ZFAND4: variants seen among roughly 807,000 people sequenced by gnomAD.
ZFAND4 encodes the protein AN1-type zinc finger protein 4.
In ZFAND4, 43 loss-of-function variants were observed where a neutral mutation model predicts 64.4. The observed-to-expected ratio is 0.67, with a 90% confidence interval of 0.52 to 0.86. The LOEUF is 0.86. Among genes scored for constraint, ZFAND4 ranks in the 40% least tolerant of loss-of-function variants. The pLI is 0.00. For synonymous variants in ZFAND4, 296 were observed against 305.7 expected, an observed-to-expected ratio of 0.97 and a Z score of 0.33; for missense variants, 929 against 859.8, an observed-to-expected ratio of 1.08 and a Z score of -1.01.
intron 1 of ZFAND4, among the ~76,000 whole-genome samples, chr10:45,671,809 T>C (rs921855012): frequency 6.7e-6 from 1 of 149,852 alleles, no homozygotes; most frequent in East Asian, 1.9e-4. Context: ...TGTGCACATG[T>C]ACCCTAGAAC....
chr10:45,663,875 T>A, intron 1 of ZFAND4, 33 bp from the exon 2 acceptor site: 1 of 587,340 alleles, frequency 1.7e-6, no homozygotes, highest in Non-Finnish European at 2.7e-6. Context: ...AACAAGCCTA[T>A]CTGAAAGTTG....
rs368505900 is a variant in ZFAND4 at position 45,627,023 on chromosome 10, C to T, written c.800G>A (p.Arg267Gln). ...AATGTTGGGGAGGACCCTTAACAATCGGTGGCGAGATGGTGCAGTGGAACC... is the reference window on the plus strand; with the variant it reads ...AATGTTGGGGAGGACCCTTAACAATTGGTGGCGAGATGGTGCAGTGGAACC... ...SSGSTAPSRH[R>Q]LLRVLPNIGQ... Residue 267 changes from arginine to glutamine, a missense_variant, in exon 7 of 10, where the codon CGA becomes CAA. By Grantham distance (43) the Arg-to-Gln change is conservative (BLOSUM62 1). Transcript: ENST00000344646. The T allele has an allele frequency of 1.1e-5, 18 of 1,607,124 alleles. No homozygotes were observed. Among genetic ancestry groups the T allele is most frequent in the African/African-American group, 4.0e-5 (3 of 74,842 alleles).
At chr10:45,669,598 T>C (rs1022950786) in intron 1 of ZFAND4, among the ~76,000 whole-genome samples, 14 of 152,192 alleles carry the variant, frequency 9.2e-5, no homozygotes, top group African/African-American at 3.4e-4. Context: ...TTTAGACCAG[T>C]ATCCCTGATG....
chr10:45,657,860 T>C (rs945659730), intron 2 of ZFAND4, among the ~76,000 whole-genome samples: 1 of 152,208 alleles, frequency 6.6e-6, no homozygotes, highest in African/African-American at 2.4e-5. Context: ...TGATTTCATT[T>C]ATATAAAATT....
intron 2 of ZFAND4, among the ~76,000 whole-genome samples, chr10:45,662,310 T>C (rs908941792): frequency 6.6e-6 from 1 of 152,226 alleles, no homozygotes; most frequent in Non-Finnish European, 1.5e-5. Context: ...TTCTGACTCA[T>C]GGAAACTAAA....
chr10:45,636,994 T>C (rs1218996436), intron 6 of ZFAND4, among the ~76,000 whole-genome samples: 1 of 146,666 alleles, frequency 6.8e-6, no homozygotes, highest in African/African-American at 2.5e-5. Flanking sequence ...AAGTCAATTG[T>C]TCCCCATCAG....
intron 1 of ZFAND4, among the ~76,000 whole-genome samples, chr10:45,666,414 T>C (rs917342738): frequency 2.0e-5 from 3 of 152,232 alleles, no homozygotes; most frequent in Admixed American, 6.5e-5. Context: ...TATTGAGTTG[T>C]ATGAGTTTTT....
At chr10:45,632,151 G>C (rs1337154864) in intron 6 of ZFAND4, among the ~76,000 whole-genome samples, 2 of 152,022 alleles carry the variant, frequency 1.3e-5, no homozygotes, top group African/African-American at 4.8e-5. Context: ...TCAGGAGTTC[G>C]AGACCAGCCT....
At chr10:45,651,395 CAG>C (rs2047749061) in intron 4 of ZFAND4, 2 of 343,324 alleles carry the variant, frequency 5.8e-6, no homozygotes, top group Admixed American at 3.8e-5. Flanking sequence ...TGTCATGAAG[CAG>C]AGACTTTCTC....
At chr10:45,627,557 C>A (rs1397257548) in intron 6 of ZFAND4, among the ~76,000 whole-genome samples, 2 of 151,978 alleles carry the variant, frequency 1.3e-5, no homozygotes, top group African/African-American at 4.8e-5. Flanking sequence ...GCAACACTGG[C>A]CTTTGGCTGG....
Position 45,672,731 on chromosome 10 carries a change from A to ACGACC in ZFAND4, c.-604_-600dup, listed in dbSNP as rs1014952560. On this transcript the variant is annotated 5_prime_UTR_variant, in exon 1 of 10. Transcript: ENST00000344646. ...CCCGCCTACAGGTCGACAGGGCCCA[A>ACGACC]CGACCCGGCGAGCAACTTCACGGAA... 2.6e-5 allele frequency: 4 copies of ACGACC among 152,216 alleles called. No homozygotes were observed. The highest frequency in any genetic ancestry group is 9.7e-5 in the African/African-American group (4 of 41,448). The allele number at this position is 152,216 out of a possible 1,614,324, so 9.4% of individuals were successfully genotyped here.
chr10:45,623,761 G>C (rs1255059717), intron 8 of ZFAND4, among the ~76,000 whole-genome samples: 1 of 152,052 alleles, frequency 6.6e-6, no homozygotes, highest in South Asian at 2.1e-4. Flanking sequence ...AAATGGTTAT[G>C]ACAGTAAAAT....
At position 45,633,430 on chromosome 10, in the gene ZFAND4, G is replaced by A. The variant is rs572375482; in HGVS notation, c.718-6325C>T. On this transcript the variant is annotated intron_variant, in intron 6 of 9. Transcript: ENST00000344646. The stretch of plus-strand genomic sequence containing the variant: ...TTAAAAACAATGAAAAATCAAGCCC[G>A]GCATGGTGCTGCACACATAGTCCCA... Among the ~76,000 whole-genome samples, 10 of 152,012 alleles carry A rather than the reference G, an allele frequency of 6.6e-5. No homozygotes were observed. In the South Asian group the frequency reaches 1.0e-3, roughly 16 times the overall value.
At chr10:45,648,945 A>G (rs2047574487) in intron 4 of ZFAND4, 5 of 985,186 alleles carry the variant, frequency 5.1e-6, no homozygotes, top group Admixed American at 6.2e-5. Flanking sequence ...AATTAAAACC[A>G]AAATAAATTC....
chr10:45,615,874 C>A lies in ZFAND4; in HGVS notation c.*562G>T, dbSNP rs959426016. The A allele has an allele frequency of 2.0e-5, 3 of 152,006 alleles. No homozygotes were observed. The highest frequency in any genetic ancestry group is 4.4e-5 in the Non-Finnish European group (3 of 68,008). The allele number at this position is 152,006 out of a possible 1,614,324, so 9.4% of individuals were successfully genotyped here. The stretch of plus-strand genomic sequence containing the variant: ...AATGTATTATCTGTTAAAAACCACA[C>A]TGGAAAAATGTTCTTTTTTATAAAA... On this transcript the variant is annotated 3_prime_UTR_variant, in exon 10 of 10. Transcript: ENST00000344646.
chr10:45,618,156 T>C lies in ZFAND4; in HGVS notation c.2032A>G (p.Ser678Gly). The C allele has an allele frequency of 6.2e-7, 1 of 1,611,398 alleles. No individual in the cohort carries two copies. The highest frequency in any genetic ancestry group is 8.5e-7 in the Non-Finnish European group (1 of 1,178,942). The change falls in exon 9 of 10, where the codon AGT becomes GGT. Residue 678 changes from serine to glycine, a missense_variant. Transcript: ENST00000344646. Reference sequence around the variant, plus strand: ...CCAACCTGCCTGCATTCGTAGCTACTAGCCAGTCCTGTTTTCTTTCCACAA... The same window carrying C: ...CCAACCTGCCTGCATTCGTAGCTACCAGCCAGTCCTGTTTTCTTTCCACAA... ...FLCGKKTGLA[S>G]SYECRCGNNF...
intron 2 of ZFAND4, among the ~76,000 whole-genome samples, chr10:45,661,563 C>T (rs1400623528): frequency 2.0e-5 from 3 of 152,174 alleles, no homozygotes; most frequent in Admixed American, 2.0e-4. Context: ...CCATATCCCT[C>T]TAACTTGGAG....
intron 8 of ZFAND4, among the ~76,000 whole-genome samples, chr10:45,619,195 C>T (rs559345405): frequency 4.0e-4 from 61 of 152,004 alleles, no homozygotes; most frequent in Non-Finnish European, 6.3e-4. Flanking sequence ...CGCACCACCA[C>T]GCTCAGCTTT....
At chr10:45,639,255 G>C (rs1463489236) in intron 6 of ZFAND4, among the ~76,000 whole-genome samples, 1 of 151,952 alleles carries the variant, frequency 6.6e-6, no homozygotes, top group Non-Finnish European at 1.5e-5. Context: ...TATTAAAAAG[G>C]GTATCCAAAT....
Sources: gnomAD v4.1 joint callset for allele counts (sites outside exome capture counted in the v4.1 genomes callset) on GRCh38, gnomAD v4.1.1 for gene constraint, MANE v1.5 for transcripts, NCBI Gene and HGNC (gene_info 2026-07-23, HGNC 2026-07-21) for gene names.